Variants in UBE3D observed in about 807,000 individuals in gnomAD.
UBE3D encodes ubiquitin protein ligase E3D.
In UBE3D, 48 loss-of-function variants were observed where a neutral mutation model predicts 49.6. The observed-to-expected ratio is 0.97, with a 90% CI of 0.77 to 1.23. UBE3D has a LOEUF of 1.23. Among genes scored for constraint, UBE3D ranks in the 50% most tolerant of loss-of-function variants. The pLI, the probability that UBE3D is intolerant of heterozygous loss-of-function variation, is 0.00. For missense variants in UBE3D, 452 were observed against 468.4 expected, an observed-to-expected ratio of 0.96 and a Z score of 0.32; for synonymous variants, 189 against 174.2, an observed-to-expected ratio of 1.08 and a Z score of -0.67.
intron 8 of UBE3D, among the ~76,000 whole-genome samples, chr6:83,009,512 C>T (rs906513619): frequency 6.7e-6 from 1 of 150,368 alleles, no homozygotes; most frequent in Non-Finnish European, 1.5e-5. Context: ...AAGAGAGGTA[C>T]CAAACTTAAC....
intron 8 of UBE3D, chr6:83,017,832 C>T (rs1468561426): frequency 6.6e-6 from 1 of 151,828 alleles, no homozygotes; most frequent in East Asian, 1.9e-4. Context: ...ATTATAACAG[C>T]AAAAAAGTAA....
intron 9 of UBE3D, among the ~76,000 whole-genome samples, chr6:82,904,454 A>G (rs1438535891): frequency 1.3e-5 from 2 of 152,194 alleles, no homozygotes; most frequent in East Asian, 3.9e-4. Context: ...GGGAGAGCTG[A>G]GATTGAATGC....
At chr6:82,934,219 T>C (rs1232301351) in intron 9 of UBE3D, among the ~76,000 whole-genome samples, 1 of 152,180 alleles carries the variant, frequency 6.6e-6, no homozygotes, top group African/African-American at 2.4e-5. Context: ...CCACCATGAT[T>C]ATAAATTTCC....
At chr6:83,025,399 T>A (rs1781380781) in intron 5 of UBE3D, among the ~76,000 whole-genome samples, 1 of 151,842 alleles carries the variant, frequency 6.6e-6, no homozygotes, top group Non-Finnish European at 1.5e-5. Flanking sequence ...AAAAGTTTAA[T>A]CTCACTAACG....
intron 9 of UBE3D, among the ~76,000 whole-genome samples, chr6:82,920,718 T>G (rs1453599522): frequency 6.6e-6 from 1 of 152,200 alleles, no homozygotes; most frequent in Non-Finnish European, 1.5e-5. Flanking sequence ...CACTGCTACT[T>G]TTTCACTTAT....
intron 8 of UBE3D, among the ~76,000 whole-genome samples, chr6:83,012,506 A>G (rs144570389): frequency 3.9e-5 from 6 of 152,170 alleles, no homozygotes; most frequent in Admixed American, 2.6e-4. Flanking sequence ...TCATGGACCT[A>G]TTGGGCAATG....
At chr6:82,881,555 C>T in the UBE3D span, among the ~76,000 whole-genome samples, 1 of 152,148 alleles carries the variant, frequency 6.6e-6, no homozygotes, top group Non-Finnish European at 1.5e-5. Flanking sequence ...TGGATTTGAA[C>T]AGCAGATACT....
chr6:82,978,587 A>G (rs1274115023), intron 8 of UBE3D, among the ~76,000 whole-genome samples: 1 of 152,242 alleles, frequency 6.6e-6, no homozygotes, highest in African/African-American at 2.4e-5. Flanking sequence ...TCTACCTAGC[A>G]GTTTGAGCTC....
chr6:82,942,530 G>A (rs752551479), intron 9 of UBE3D, among the ~76,000 whole-genome samples: 81 of 152,162 alleles, frequency 5.3e-4, no homozygotes, highest in Non-Finnish European at 7.9e-4. Context: ...GTGCTAGGAG[G>A]AAAAAATGGT....
At position 83,044,647 on chromosome 6, in the gene UBE3D, C is replaced by T; in HGVS notation, c.378G>A (p.Arg126=). The stretch of plus-strand genomic sequence containing the variant: ...AGTTCTCACTCGGCAGTGGGAGCAC[C>T]CTGAGGAGCTTCCTAGTGGAAAGAG... ...EVIIKDRKLL[R]VLPLPSENWG... The change falls in exon 4 of 10, where the codon AGG becomes AGA. Residue 126 remains arginine (R), a synonymous_variant. Transcript: ENST00000369747. 2 of 1,613,168 alleles carry T rather than the reference C, an allele frequency of 1.2e-6. No homozygotes were observed. The highest frequency in any genetic ancestry group is 1.7e-6 in the Non-Finnish European group (2 of 1,179,404).
chr6:82,953,559 T>A (rs1158428545), intron 9 of UBE3D, among the ~76,000 whole-genome samples: 1 of 152,184 alleles, frequency 6.6e-6, no homozygotes, highest in African/African-American at 2.4e-5. Context: ...CTCAGTCTTT[T>A]AGATTTCTAG....
At chr6:82,942,478 G>A (rs986995641) in intron 9 of UBE3D, among the ~76,000 whole-genome samples, 5 of 152,236 alleles carry the variant, frequency 3.3e-5, no homozygotes, top group African/African-American at 1.2e-4. Flanking sequence ...TCCAGGGCAT[G>A]TCAGAGACCT....
chr6:83,038,535 G>T, intron 4 of UBE3D, 50 bp from the exon 5 acceptor site: 1 of 1,491,904 alleles, frequency 6.7e-7, no homozygotes, highest in Non-Finnish European at 9.2e-7. Context: ...TTTCTTAAAA[G>T]GAATATATAA....
At chr6:83,048,931 CA>C (rs1469700122) in intron 3 of UBE3D, among the ~76,000 whole-genome samples, 1 of 151,438 alleles carries the variant, frequency 6.6e-6, no homozygotes, top group Non-Finnish European at 1.5e-5. Flanking sequence ...TGGTGGAGCT[CA>C]AAAAAACAGT....
chr6:83,000,399 CCAAT>C (rs1377313578), intron 8 of UBE3D, among the ~76,000 whole-genome samples: 5 of 152,130 alleles, frequency 3.3e-5, no homozygotes, highest in Admixed American at 3.3e-4. Context: ...TTCCTCAAAT[CCAAT>C]CAATCATCAA....
chr6:82,990,989 T>C (rs1778844131), intron 8 of UBE3D, among the ~76,000 whole-genome samples: 2 of 152,196 alleles, frequency 1.3e-5, no homozygotes, highest in Non-Finnish European at 2.9e-5. Flanking sequence ...GGGACTATAG[T>C]TGTCCACAGG....
chr6:83,044,286 A>T (rs1782871198), intron 4 of UBE3D, 142 bp downstream of exon 4: 2 of 758,352 alleles, frequency 2.6e-6, no homozygotes, highest in Admixed American at 2.9e-5. Flanking sequence ...TTGATAAAGC[A>T]ACGATAGCGA....
intron 8 of UBE3D, among the ~76,000 whole-genome samples, chr6:82,989,609 C>T (rs188586236): frequency 1.7e-3 from 264 of 152,186 alleles, no homozygotes; most frequent in African/African-American, 6.1e-3. Flanking sequence ...ATAGACATGG[C>T]TGTATTTCAT....
intron 3 of UBE3D, among the ~76,000 whole-genome samples, chr6:83,047,066 G>T (rs1783108129): frequency 6.6e-6 from 1 of 152,178 alleles, no homozygotes; most frequent in Non-Finnish European, 1.5e-5. Context: ...AATATTTGTT[G>T]AAGAAATGAA....
Sources: gnomAD v4.1 joint callset for allele counts (sites outside exome capture counted in the v4.1 genomes callset) on GRCh38, gnomAD v4.1.1 for gene constraint, MANE v1.5 for transcripts, NCBI Gene and HGNC (gene_info 2026-07-23, HGNC 2026-07-21) for gene names.